EVI5: variants seen among roughly 807,000 people sequenced by gnomAD.
The protein encoded by EVI5 is ecotropic viral integration site 5 protein homolog.
Under a neutral mutation model 112.0 loss-of-function variants are expected in EVI5, and 73 were observed. The observed-to-expected ratio is 0.65, with a 90% CI of 0.54 to 0.79. The LOEUF is 0.79. EVI5 is among the 30% of genes least tolerant of loss of function. The probability of loss-of-function intolerance (pLI) is 0.00; values close to 1 mark genes in which losing one functional copy is unlikely to be tolerated. For synonymous variants in EVI5, 305 were observed against 319.9 expected (o/e 0.95, Z 0.50); for missense variants, 900 against 968.8 (o/e 0.93, Z 0.94).
chr1:92,619,643 G>A (rs1397473973), intron 16 of EVI5, among the ~76,000 whole-genome samples: 2 of 151,870 alleles, frequency 1.3e-5, no homozygotes, highest in Non-Finnish European at 2.9e-5. Context: ...AGATGAGCTG[G>A]GCACAGTGGC....
chr1:92,661,464 T>G (rs1363733030), intron 13 of EVI5, among the ~76,000 whole-genome samples: 1 of 152,162 alleles, frequency 6.6e-6, no homozygotes, highest in Non-Finnish European at 1.5e-5. Context: ...GTATTATGAC[T>G]GTAGCTTATG....
chr1:92,624,175 C>A lies in EVI5; in HGVS notation c.1827+1G>T. The A allele has an allele frequency of 6.2e-7, 1 of 1,612,738 alleles. No individual in the cohort carries two copies. Among genetic ancestry groups the A allele is most frequent in the Non-Finnish European group, 8.5e-7 (1 of 1,179,020 alleles). On this transcript the variant is annotated splice_donor_variant, in intron 16 of 19. Coordinates refer to ENST00000684568, the MANE Select transcript of EVI5 (RefSeq NM_001350197.2). LOFTEE classifies it high-confidence loss of function. The stretch of plus-strand genomic sequence containing the variant: ...AAAGATACTGGGCTTTCCCATCATA[C>A]CTGTGTTTCCATTTCCATCATCCTT...
chr1:92,525,267 CTT>C (rs745392747), intron 19 of EVI5, among the ~76,000 whole-genome samples: 4 of 104,402 alleles, frequency 3.8e-5, no homozygotes, highest in South Asian at 3.2e-4. Flanking sequence ...ATGACAATGC[CTT>C]TTTTTTTTTT....
chr1:92,613,211 C>G (rs1652280570), intron 16 of EVI5, among the ~76,000 whole-genome samples: 1 of 152,192 alleles, frequency 6.6e-6, no homozygotes, highest in Non-Finnish European at 1.5e-5. Context: ...AGTACTACAT[C>G]TGGGGTGGGC....
chr1:92,581,539 G>A (rs1161657566), intron 18 of EVI5, among the ~76,000 whole-genome samples: 3 of 152,188 alleles, frequency 2.0e-5, no homozygotes, highest in Non-Finnish European at 4.4e-5. Flanking sequence ...TACACAGCCT[G>A]GAAATGGGAT....
chr1:92,514,792 T>A (rs1333012125), intron 19 of EVI5, among the ~76,000 whole-genome samples: 1 of 152,228 alleles, frequency 6.6e-6, no homozygotes, highest in East Asian at 1.9e-4. Context: ...CTAGAAGGTA[T>A]GAACTTAAAA....
intron 5 of EVI5, among the ~76,000 whole-genome samples, chr1:92,699,901 A>T (rs56131090): frequency 1.3e-5 from 2 of 152,356 alleles, no homozygotes; most frequent in Non-Finnish European, 2.9e-5. Flanking sequence ...TCTTCTGAAC[A>T]TATCAAAACA....
chr1:92,586,266 T>A (rs547747368), intron 18 of EVI5, among the ~76,000 whole-genome samples: 1 of 152,198 alleles, frequency 6.6e-6, no homozygotes, highest in African/African-American at 2.4e-5. Context: ...AGTTGCTAAG[T>A]GCAGCCCATG....
At chr1:92,691,343 G>A (rs1017436957) in intron 9 of EVI5, among the ~76,000 whole-genome samples, 2 of 151,338 alleles carry the variant, frequency 1.3e-5, no homozygotes, top group Non-Finnish European at 2.9e-5. Context: ...AAATAAATAT[G>A]ACAAAATATT....
At chr1:92,636,728 C>T (rs1658911396) in intron 13 of EVI5, among the ~76,000 whole-genome samples, 1 of 151,948 alleles carries the variant, frequency 6.6e-6, no homozygotes, top group African/African-American at 2.4e-5. Context: ...TGAAATGTGG[C>T]TAATACAGAT....
intron 1 of EVI5, among the ~76,000 whole-genome samples, chr1:92,777,755 C>T (rs559971519): frequency 2.0e-5 from 3 of 152,226 alleles, no homozygotes; most frequent in Admixed American, 1.3e-4. Context: ...CCTCCCAAAA[C>T]GTTACTAAAA....
At chr1:92,714,941 C>G (rs1673386882) in intron 2 of EVI5, among the ~76,000 whole-genome samples, 1 of 152,058 alleles carries the variant, frequency 6.6e-6, no homozygotes, top group Admixed American at 6.6e-5. Flanking sequence ...GATTGTTCTC[C>G]CAAGGCAAAA....
At chr1:92,678,575 G>A (rs1403929869) in intron 9 of EVI5, among the ~76,000 whole-genome samples, 1 of 152,050 alleles carries the variant, frequency 6.6e-6, no homozygotes, top group African/African-American at 2.4e-5. Flanking sequence ...GTCCTGAAAA[G>A]GGCATATCAT....
At chr1:92,547,919 C>T (rs1023607269) in intron 19 of EVI5, among the ~76,000 whole-genome samples, 7 of 152,174 alleles carry the variant, frequency 4.6e-5, no homozygotes, top group African/African-American at 1.7e-4. Context: ...ACCAGAGGTA[C>T]AAGGAGGAGC....
intron 13 of EVI5, among the ~76,000 whole-genome samples, chr1:92,660,144 ATGGT>A (rs1663727409): frequency 6.6e-6 from 1 of 151,982 alleles, no homozygotes; most frequent in Non-Finnish European, 1.5e-5. Context: ...TATTCAGCTG[ATGGT>A]TACACTAAAA....
At chr1:92,612,823 C>G (rs143443355) in intron 16 of EVI5, among the ~76,000 whole-genome samples, 1 of 151,350 alleles carries the variant, frequency 6.6e-6, no homozygotes, top group Non-Finnish European at 1.5e-5. Context: ...GAGGCAGATA[C>G]GGCCACAAGC....
intron 19 of EVI5, among the ~76,000 whole-genome samples, chr1:92,546,800 T>C (rs1665792274): frequency 2.0e-5 from 3 of 152,180 alleles, no homozygotes; most frequent in South Asian, 4.1e-4. Flanking sequence ...AAGAGCTAAC[T>C]ATCCTAAACA....
intron 19 of EVI5, among the ~76,000 whole-genome samples, chr1:92,525,796 G>T (rs1661768279): frequency 2.0e-5 from 3 of 152,114 alleles, no homozygotes; most frequent in African/African-American, 2.4e-5. Flanking sequence ...TTCGGACCCA[G>T]GCTCTCATTA....
chr1:92,743,330 C>A (rs1363885646), intron 1 of EVI5, among the ~76,000 whole-genome samples: 1 of 151,438 alleles, frequency 6.6e-6, no homozygotes. Flanking sequence ...TCCAGCCTGG[C>A]GACAGAGCAA....
Sources: allele counts gnomAD v4.1 joint callset (sites outside exome capture counted in the v4.1 genomes callset), GRCh38; gene constraint gnomAD v4.1.1; transcripts MANE v1.5; gene names NCBI Gene and HGNC (gene_info 2026-07-23, HGNC 2026-07-21).